Variants in GPR83 observed in about 807,000 individuals in gnomAD.
GPR83 encodes G protein-coupled receptor 83.
A neutral mutation model predicts 28.0 loss-of-function variants in GPR83; 23 were observed. That is an observed-to-expected ratio of 0.82 (90% CI 0.59 to 1.16). The LOEUF is 1.16. Among genes scored for constraint, GPR83 ranks in the 50% most tolerant of loss-of-function variants. GPR83 has a pLI of 0.00. For missense variants in GPR83, 610 were observed against 536.6 expected (o/e 1.14, Z -1.35); for synonymous variants, 234 against 215.4 (o/e 1.09, Z -0.76).
chr11:94,394,429 T>C (rs1210839137), intron 2 of GPR83, among the ~76,000 whole-genome samples: 3 of 152,238 alleles, frequency 2.0e-5, no homozygotes, highest in Non-Finnish European at 4.4e-5. Flanking sequence ...TGCTACTGTA[T>C]ATCAATCAAT....
chr11:94,390,653 A>G (rs1324716554), intron 3 of GPR83, among the ~76,000 whole-genome samples: 5 of 152,300 alleles, frequency 3.3e-5, no homozygotes, highest in African/African-American at 1.2e-4. Flanking sequence ...ATGTGCAAAA[A>G]TCACGACCAT....
chr11:94,391,694 T>C (rs1023044118), intron 3 of GPR83, among the ~76,000 whole-genome samples: 14 of 152,290 alleles, frequency 9.2e-5, no homozygotes, highest in Middle Eastern at 3.4e-3. Context: ...GAAGAAGACA[T>C]TTATGCAGCC....
chr11:94,381,137 C>T (rs1359968988), intron 3 of GPR83, among the ~76,000 whole-genome samples: 1 of 152,184 alleles, frequency 6.6e-6, no homozygotes, highest in East Asian at 1.9e-4. Flanking sequence ...CATTCTGCTA[C>T]TTCCCCATTT....
chr11:94,387,463 C>A (rs962206746), intron 3 of GPR83, among the ~76,000 whole-genome samples: 1 of 152,076 alleles, frequency 6.6e-6, no homozygotes, highest in South Asian at 2.1e-4. Flanking sequence ...AGAGAAGAAT[C>A]AAATAGATGC....
Position 94,380,010 on chromosome 11 carries a change from A to C in GPR83, c.*139T>G. On this transcript the variant is annotated 3_prime_UTR_variant, in exon 4 of 4. Transcript: ENST00000243673. ...ATCACATGGGGCTAGGAGGCTGGAC[A>C]GTTTCCTAGGAATTCAAGAGTCCTA... 1 of 602,174 alleles carries C rather than the reference A, an allele frequency of 1.7e-6. No homozygotes were observed. Among genetic ancestry groups the C allele is most frequent in the Non-Finnish European group, 2.7e-6 (1 of 373,060 alleles). The allele number at this position is 602,174 out of a possible 1,614,324, so 37.3% of individuals were successfully genotyped here.
In GPR83 at chr11:94,377,356, A is replaced by G. The variant is rs1256252586; in HGVS notation, c.*2793T>C. ...TAAATTTTATTGAGATGAGCAATTT[A>G]CAATAAAACACTTTACAGCACATTG... On this transcript the variant is annotated 3_prime_UTR_variant, in exon 4 of 4. Transcript: ENST00000243673. 1 of 152,242 alleles carries G rather than the reference A, an allele frequency of 6.6e-6. No homozygotes were observed. Among genetic ancestry groups the G allele is most frequent in the Non-Finnish European group, 1.5e-5 (1 of 68,040 alleles). 9.4% of individuals were successfully genotyped at this position (152,242 alleles called of 1,614,324 possible). A position where few individuals can be genotyped will look rare whatever the true frequency, so the allele number is the denominator to read the frequency against.
rs556394489 is a variant in GPR83 at position 94,378,971 on chromosome 11, CT to C, written c.*1177del. On this transcript the variant is annotated 3_prime_UTR_variant, in exon 4 of 4. Coordinates refer to ENST00000243673, the MANE Select transcript of GPR83 (RefSeq NM_016540.4). ...GCAGTTCTGTCTGCGTGGTGACAGG[CT>C]TCACCTTGGGATCTTCTCACCTCTT... is the stretch of plus-strand genomic sequence containing the variant. The C allele has an allele frequency of 2.1e-3, 319 of 152,378 alleles. 2 individuals carry two copies. The highest frequency in any genetic ancestry group is 0.014 in the Middle Eastern group (4 of 296). 9.4% of individuals were successfully genotyped at this position (152,378 alleles called of 1,614,324 possible).
chr11:94,399,943 C>A (rs1944895740), intron 1 of GPR83, among the ~76,000 whole-genome samples: 1 of 152,160 alleles, frequency 6.6e-6, no homozygotes, highest in African/African-American at 2.4e-5. Flanking sequence ...TGCCAATGTG[C>A]AAATGCCCCC....
At chr11:94,381,698 C>T (rs948391039) in intron 3 of GPR83, among the ~76,000 whole-genome samples, 1 of 152,018 alleles carries the variant, frequency 6.6e-6, no homozygotes, top group Non-Finnish European at 1.5e-5. Flanking sequence ...CTTCTAGGTG[C>T]CTAGGACTCC....
chr11:94,396,869 CAAAAA>C (rs71459725), intron 1 of GPR83, among the ~76,000 whole-genome samples: 1 of 113,742 alleles, frequency 8.8e-6, no homozygotes, highest in African/African-American at 3.6e-5. Flanking sequence ...TCCTCATTTG[CAAAAA>C]AAAAAAAAAG....
chr11:94,399,415 T>C (rs1944892286), intron 1 of GPR83, among the ~76,000 whole-genome samples: 1 of 152,222 alleles, frequency 6.6e-6, no homozygotes, highest in African/African-American at 2.4e-5. Context: ...GGCTGGTTAG[T>C]GGACCGACCT....
intron 3 of GPR83, 101 bp from the exon 4 acceptor site, chr11:94,380,874 C>T (rs967525630): frequency 3.0e-6 from 3 of 993,074 alleles, no homozygotes; most frequent in African/African-American, 3.2e-5. Flanking sequence ...TTCCACTGGG[C>T]TCCTGGTACA....
intron 1 of GPR83, among the ~76,000 whole-genome samples, chr11:94,398,933 G>C (rs1029586936): frequency 1.3e-5 from 2 of 152,178 alleles, no homozygotes; most frequent in African/African-American, 4.8e-5. Flanking sequence ...ATACTGGAGG[G>C]GGTGCTGGGC....
chr11:94,388,576 G>C (rs1198670650), intron 3 of GPR83, among the ~76,000 whole-genome samples: 15 of 152,226 alleles, frequency 9.9e-5, no homozygotes, highest in Non-Finnish European at 1.5e-4. Flanking sequence ...ATTCACAATT[G>C]CTTCAAAGAC....
At position 94,393,633 on chromosome 11, in the gene GPR83, A is replaced by G; in HGVS notation, c.514-15T>C. On this transcript the variant is annotated splice_polypyrimidine_tract_variant and intron_variant, in intron 2 of 3. Transcript: ENST00000243673. The stretch of plus-strand genomic sequence containing the variant: ...TGCATGATGACCTGGAAAACAAGCA[A>G]ACCACATCACTAACTGAAGACGTTT... 6.2e-7 allele frequency: 1 copy of G among 1,613,616 alleles called. No individual in the cohort carries two copies. The highest frequency in any genetic ancestry group is 8.5e-7 in the Non-Finnish European group (1 of 1,179,714).
At chr11:94,386,290 C>A (rs957988520) in intron 3 of GPR83, among the ~76,000 whole-genome samples, 1 of 152,290 alleles carries the variant, frequency 6.6e-6, no homozygotes, top group African/African-American at 2.4e-5. Context: ...ACTGCACCAA[C>A]TAATGAGCAA....
intron 3 of GPR83, among the ~76,000 whole-genome samples, chr11:94,389,159 AC>A (rs1380341205): frequency 3.6e-4 from 55 of 152,334 alleles, no homozygotes; most frequent in Non-Finnish European, 7.2e-4. Flanking sequence ...CTTACACCTT[AC>A]ACAAAAATTA....
chr11:94,390,874 A>G (rs930313142), intron 3 of GPR83, among the ~76,000 whole-genome samples: 4 of 152,220 alleles, frequency 2.6e-5, no homozygotes, highest in African/African-American at 9.7e-5. Context: ...GGAAGAATCA[A>G]TATCATGAAA....
intron 3 of GPR83, among the ~76,000 whole-genome samples, chr11:94,382,000 G>C (rs1345445675): frequency 6.6e-6 from 1 of 152,058 alleles, no homozygotes; most frequent in Non-Finnish European, 1.5e-5. Flanking sequence ...GCCTCAATTA[G>C]CCACTTGTAG....
Sources: allele counts gnomAD v4.1 joint callset (sites outside exome capture counted in the v4.1 genomes callset), GRCh38; gene constraint gnomAD v4.1.1; transcripts MANE v1.5; gene names NCBI Gene and HGNC (gene_info 2026-07-23, HGNC 2026-07-21).